The following NBEA variants were observed in gnomAD, a reference collection of about 807,000 sequenced individuals.
NBEA encodes the protein neurobeachin, also known as lysosomal-trafficking regulator 2.
In NBEA, 44 loss-of-function variants were observed where a neutral mutation model predicts 343.4. The ratio of observed to expected loss-of-function variants is 0.13; its 90% CI spans 0.10 to 0.16. The LOEUF is 0.16. NBEA is among the 10% of genes least tolerant of loss of function. NBEA has a pLI of 1.00. For missense variants in NBEA, 2,555 were observed against 3,631.3 expected (o/e 0.70, Z 7.62); for synonymous variants, 1,175 against 1,238.7 (o/e 0.95, Z 1.08).
At chr13:35,034,676 C>A (rs2062372904) in intron 1 of NBEA, among the ~76,000 whole-genome samples, 1 of 151,494 alleles carries the variant, frequency 6.6e-6, no homozygotes, top group South Asian at 2.1e-4. Context: ...CTTTTCTTTA[C>A]TGGGAGACTT....
chr13:35,084,780 C>T (rs555525549), intron 10 of NBEA, among the ~76,000 whole-genome samples: 2 of 152,064 alleles, frequency 1.3e-5, no homozygotes, highest in South Asian at 4.2e-4. Context: ...TTCAAAAAAT[C>T]AATGAATCCA....
At chr13:35,429,965 C>CT (rs1480101118) in intron 38 of NBEA, among the ~76,000 whole-genome samples, 1 of 152,116 alleles carries the variant, frequency 6.6e-6, no homozygotes, top group Non-Finnish European at 1.5e-5. Context: ...TTCTTTTCCT[C>CT]TGAGTAGATA....
At chr13:35,297,271 T>C (rs1402253647) in intron 35 of NBEA, among the ~76,000 whole-genome samples, 2 of 152,072 alleles carry the variant, frequency 1.3e-5, no homozygotes, top group East Asian at 1.9e-4. Context: ...ATTATTGTTA[T>C]AAGGTTCTAA....
intron 34 of NBEA, among the ~76,000 whole-genome samples, chr13:35,277,693 G>C (rs1469392797): frequency 1.3e-5 from 2 of 148,236 alleles, no homozygotes; most frequent in African/African-American, 4.9e-5. Flanking sequence ...AGAAAGAAAG[G>C]AGCAGCGACT....
At chr13:35,167,288 G>C (rs2070112276) in intron 24 of NBEA, among the ~76,000 whole-genome samples, 1 of 151,910 alleles carries the variant, frequency 6.6e-6, no homozygotes, top group Admixed American at 6.6e-5. Flanking sequence ...CATAGAAGTG[G>C]TCTCTTTTCT....
intron 10 of NBEA, among the ~76,000 whole-genome samples, chr13:35,084,778 AT>A (rs1251795980): frequency 6.6e-6 from 1 of 152,156 alleles, no homozygotes; most frequent in Non-Finnish European, 1.5e-5. Context: ...CCTTCAAAAA[AT>A]CAATGAATCC....
intron 36 of NBEA, among the ~76,000 whole-genome samples, chr13:35,339,325 A>G (rs2039450504): frequency 1.3e-5 from 2 of 152,104 alleles, no homozygotes; most frequent in African/African-American, 4.8e-5. Context: ...ATATGAGACC[A>G]ATATACAAAG....
intron 48 of NBEA, among the ~76,000 whole-genome samples, chr13:35,609,151 C>T (rs1317434126): frequency 6.6e-6 from 1 of 152,156 alleles, no homozygotes; most frequent in Non-Finnish European, 1.5e-5. Flanking sequence ...GAGTGGTTAT[C>T]TTTATTATCC....
intron 8 of NBEA, among the ~76,000 whole-genome samples, chr13:35,069,438 G>T (rs182641273): frequency 2.8e-4 from 43 of 152,138 alleles, no homozygotes; most frequent in Non-Finnish European, 5.6e-4. Context: ...TATTTCATAG[G>T]TTGATTTGCT....
intron 33 of NBEA, among the ~76,000 whole-genome samples, chr13:35,215,753 GT>G (rs1171073004): frequency 1.3e-5 from 2 of 151,542 alleles, no homozygotes; most frequent in African/African-American, 4.8e-5. Flanking sequence ...AATGTCACTT[GT>G]AGCTTTAGTA....
At chr13:35,020,291 A>G (rs1026877513) in intron 1 of NBEA, among the ~76,000 whole-genome samples, 15 of 152,076 alleles carry the variant, frequency 9.9e-5, no homozygotes, top group Non-Finnish European at 8.8e-5. Context: ...ATACTTAGGT[A>G]TTATTATTCT....
At chr13:35,345,481 G>A (rs1351423172) in intron 36 of NBEA, among the ~76,000 whole-genome samples, 1 of 151,744 alleles carries the variant, frequency 6.6e-6, no homozygotes, top group Non-Finnish European at 1.5e-5. Context: ...GGATAGTAAA[G>A]ACATTCGTGT....
intron 36 of NBEA, among the ~76,000 whole-genome samples, chr13:35,323,714 TAATA>T (rs939504458): frequency 1.6e-4 from 25 of 151,864 alleles, no homozygotes; most frequent in East Asian, 3.9e-4. Context: ...TAAAGTATAA[TAATA>T]AATAAATAAA....
chr13:35,182,650 A>G (rs1283101313), intron 29 of NBEA, 122 bp downstream of exon 29: 1 of 913,630 alleles, frequency 1.1e-6, no homozygotes, highest in African/African-American at 1.7e-5. Context: ...AATGGTTGGT[A>G]TAGAAATGCT....
chr13:35,014,398 G>A, intron 1 of NBEA, among the ~76,000 whole-genome samples: 1 of 152,012 alleles, frequency 6.6e-6, no homozygotes, highest in East Asian at 1.9e-4. Context: ...TGATGCCAAA[G>A]TTGTTGCATA....
chr13:35,045,088 A>G (rs2062799942), intron 3 of NBEA, 41 bp downstream of exon 3: 2 of 1,511,986 alleles, frequency 1.3e-6, no homozygotes, highest in Admixed American at 1.9e-5. Flanking sequence ...GTATCAGTCC[A>G]TTAATACTTA....
chr13:35,141,998 TAAC>T (rs148279324), intron 17 of NBEA, among the ~76,000 whole-genome samples: 5,668 of 152,250 alleles, frequency 0.037, 332 homozygotes, highest in African/African-American at 0.13. Context: ...TTGAAAATAA[TAAC>T]AATGACATGT....
At chr13:35,017,986 C>T (rs892388785) in intron 1 of NBEA, among the ~76,000 whole-genome samples, 5 of 152,048 alleles carry the variant, frequency 3.3e-5, no homozygotes, top group African/African-American at 1.2e-4. Flanking sequence ...GTTCTTTCTC[C>T]ATTATTTATC....
At chr13:35,358,360 C>G (rs778207594) in intron 38 of NBEA, among the ~76,000 whole-genome samples, 4 of 152,014 alleles carry the variant, frequency 2.6e-5, no homozygotes, top group Admixed American at 6.6e-5. Context: ...TTGTGCAAAA[C>G]AGATATACTT....
Sources: gnomAD v4.1 joint callset for allele counts (sites outside exome capture counted in the v4.1 genomes callset) on GRCh38, gnomAD v4.1.1 for gene constraint, MANE v1.5 for transcripts, NCBI Gene and HGNC (gene_info 2026-07-23, HGNC 2026-07-21) for gene names.